The following SAMD3 variants were observed in gnomAD, a reference collection of about 807,000 sequenced individuals.
SAMD3 encodes the protein sterile alpha motif domain-containing protein 3.
In SAMD3, 63 loss-of-function variants were observed where a neutral mutation model predicts 58.5. That is an observed-to-expected ratio of 1.08 (90% CI 0.88 to 1.33). SAMD3 has a LOEUF of 1.33. Among genes scored for constraint, SAMD3 ranks in the 40% most tolerant of loss-of-function variants. The probability of loss-of-function intolerance (pLI) is 0.00; values close to 1 mark genes in which losing one functional copy is unlikely to be tolerated. For missense variants in SAMD3, 604 were observed against 608.4 expected (o/e 0.99, Z 0.08); for synonymous variants, 220 against 210.3 (o/e 1.05, Z -0.40).
intron 2 of SAMD3, among the ~76,000 whole-genome samples, chr6:130,282,813 G>A (rs11154560): frequency 0.32 from 48,406 of 152,048 alleles, 7,928 homozygotes; most frequent in East Asian, 0.47. Flanking sequence ...TTGAAAGAAA[G>A]AGATTGGTAT....
intron 5 of SAMD3, among the ~76,000 whole-genome samples, chr6:130,202,039 C>T (rs556449043): frequency 4.1e-4 from 62 of 152,266 alleles, no homozygotes; most frequent in African/African-American, 1.5e-3. Context: ...TAGTACCTAG[C>T]CCATGGGGTA....
intron 4 of SAMD3, 114 bp downstream of exon 4, chr6:130,214,223 A>G: frequency 1.2e-6 from 1 of 804,228 alleles, no homozygotes. Context: ...CGTACATACA[A>G]TCTAGCTGAA....
At chr6:130,358,126 T>G (rs537434640) in intron 1 of SAMD3, among the ~76,000 whole-genome samples, 2 of 152,346 alleles carry the variant, frequency 1.3e-5, no homozygotes, top group East Asian at 3.9e-4. Context: ...TTCTTTGACA[T>G]AGAAGCAGAA....
chr6:130,349,337 C>G (rs528069289), intron 1 of SAMD3, among the ~76,000 whole-genome samples: 12 of 151,896 alleles, frequency 7.9e-5, no homozygotes, highest in African/African-American at 2.9e-4. Context: ...GCTAGCAAGA[C>G]TAATAAAGAA....
intron 8 of SAMD3, chr6:130,160,187 C>A (rs776865552): frequency 6.6e-6 from 1 of 152,092 alleles, no homozygotes; most frequent in Non-Finnish European, 1.5e-5. Flanking sequence ...CAAGAATAAT[C>A]ACAGCAGCAT....
At position 130,351,740 on chromosome 6, in the gene SAMD3, G is replaced by A. The variant is rs548913919; in HGVS notation, c.-304+13380C>T. ...ATATACCCAAAGGATTATAAAACAT[G>A]CTGCTCTAAAGACACATGCACACAT... is the stretch of plus-strand genomic sequence containing the variant. On this transcript the variant is annotated intron_variant, in intron 1 of 13. Coordinates refer to the SAMD3 transcript ENST00000368134. 3.9e-5 allele frequency among the ~76,000 whole-genome samples: 6 copies of A among 152,242 alleles called. No individual in the cohort carries two copies. In the East Asian group the frequency reaches 9.7e-4, roughly 24 times the overall value.
At chr6:130,162,191 C>G (rs1790338329) in intron 8 of SAMD3, 2 of 694,754 alleles carry the variant, frequency 2.9e-6, no homozygotes, top group Admixed American at 2.0e-5. Context: ...TCTCTCTACT[C>G]CAACACCACA....
chr6:130,232,155 A>G (rs1324618402), intron 2 of SAMD3, among the ~76,000 whole-genome samples: 1 of 152,174 alleles, frequency 6.6e-6, no homozygotes, highest in Non-Finnish European at 1.5e-5. Flanking sequence ...AATACAGTGT[A>G]GGAAAGGCCT....
upstream of SAMD3, chr6:130,365,759 G>A (rs1192487338): frequency 1.0e-6 from 1 of 985,550 alleles, no homozygotes; most frequent in African/African-American, 1.7e-5. Context: ...GTCTGCGGGT[G>A]ATTTGGGCTC....
At position 130,184,137 on chromosome 6, in the gene SAMD3, G is replaced by T. The variant is rs756951992; in HGVS notation, c.620C>A (p.Ala207Asp). 1 of 1,614,060 alleles carries T rather than the reference G, an allele frequency of 6.2e-7. No individual in the cohort carries two copies. The highest frequency in any genetic ancestry group is 1.1e-5 in the South Asian group (1 of 91,062). The change falls in exon 7 of 12, where the codon GCC (alanine) becomes GAC (aspartate). Residue 207 changes from alanine to aspartate, a missense_variant. Coordinates refer to ENST00000439090, the MANE Select transcript of SAMD3 (RefSeq NM_001017373.4). ...YNDVVNALLQ[A>D]HPFLDEDGCG... ...GCCATCCTCATCCAGGAAAGGGTGG[G>T]CCTGCAGCAGGGCATTAACCACGTC...
chr6:130,347,018 T>G (rs1583138204), intron 1 of SAMD3, among the ~76,000 whole-genome samples: 1 of 151,754 alleles, frequency 6.6e-6, no homozygotes, highest in African/African-American at 2.4e-5. Context: ...CAGCTGAGGG[T>G]CCTGACTGTT....
At chr6:130,244,709 C>T (rs1773478289) in intron 2 of SAMD3, among the ~76,000 whole-genome samples, 7 of 150,634 alleles carry the variant, frequency 4.6e-5, no homozygotes, top group Admixed American at 4.6e-4. Flanking sequence ...CACTGTACTC[C>T]AGCCTGGGTG....
At chr6:130,189,824 A>C (rs568751624) in intron 5 of SAMD3, among the ~76,000 whole-genome samples, 1 of 152,386 alleles carries the variant, frequency 6.6e-6, no homozygotes, top group East Asian at 1.9e-4. Context: ...TGAAATGTGA[A>C]AAACAGAATG....
At chr6:130,243,503 TA>T (rs1474886963) in intron 2 of SAMD3, among the ~76,000 whole-genome samples, 6 of 152,198 alleles carry the variant, frequency 3.9e-5, no homozygotes, top group African/African-American at 1.4e-4. Context: ...TTATTTCACT[TA>T]ATCTTAGCAA....
chr6:130,219,728 T>C (rs1471952487), intron 1 of SAMD3, among the ~76,000 whole-genome samples: 9 of 152,188 alleles, frequency 5.9e-5, no homozygotes, highest in Admixed American at 5.9e-4. Flanking sequence ...TATCCACTTG[T>C]TGATTGATGG....
chr6:130,342,516 A>G (rs1203459606), intron 1 of SAMD3, among the ~76,000 whole-genome samples: 2 of 152,204 alleles, frequency 1.3e-5, no homozygotes, highest in Non-Finnish European at 2.9e-5. Context: ...AACTCACTTT[A>G]GAGACTCTGT....
chr6:130,182,300 T>C (rs1261206653), intron 7 of SAMD3, among the ~76,000 whole-genome samples: 1 of 152,132 alleles, frequency 6.6e-6, no homozygotes, highest in Non-Finnish European at 1.5e-5. Context: ...TCTTCTGTAG[T>C]GCACTTTATA....
intron 8 of SAMD3, among the ~76,000 whole-genome samples, chr6:130,170,238 C>T (rs1436449550): frequency 2.0e-5 from 3 of 152,184 alleles, no homozygotes; most frequent in East Asian, 1.9e-4. Flanking sequence ...TGATGTTCCC[C>T]TCCCTGTGTC....
chr6:130,184,635 A>C lies in SAMD3; in HGVS notation c.384-12T>G. 2 of 1,594,922 alleles carry C rather than the reference A, an allele frequency of 1.3e-6. No homozygotes were observed. Among genetic ancestry groups the C allele is most frequent in the Non-Finnish European group, 1.7e-6 (2 of 1,167,156 alleles). On this transcript the variant is annotated splice_polypyrimidine_tract_variant and intron_variant, in intron 5 of 11. Coordinates refer to ENST00000439090, the MANE Select transcript of SAMD3 (RefSeq NM_001017373.4). ...GTTTCACATTTCTTCTGTGAAATAAAAACACACAAAGAATGAAATTCTATT... is the reference window on the plus strand; with the variant it reads ...GTTTCACATTTCTTCTGTGAAATAACAACACACAAAGAATGAAATTCTATT...
Sources: gnomAD v4.1 joint callset for allele counts (sites outside exome capture counted in the v4.1 genomes callset) on GRCh38, gnomAD v4.1.1 for gene constraint, MANE v1.5 for transcripts, NCBI Gene and HGNC (gene_info 2026-07-23, HGNC 2026-07-21) for gene names.